The following IFT81 variants were observed in gnomAD, a reference collection of about 807,000 sequenced individuals.
IFT81 encodes intraflagellar transport protein 81 homolog.
A neutral mutation model predicts 102.6 loss-of-function variants in IFT81; 72 were observed. The observed-to-expected ratio is 0.70, with a 90% confidence interval of 0.58 to 0.85. The LOEUF (loss-of-function observed/expected upper bound fraction) is 0.85, where lower values mean the gene tolerates loss of function less well. Among genes scored for constraint, IFT81 ranks in the 40% least tolerant of loss-of-function variants. The pLI is 0.00. For synonymous variants in IFT81, 237 were observed against 242.7 expected (o/e 0.98, Z 0.22); for missense variants, 723 against 787.3 (o/e 0.92, Z 0.98).
At chr12:110,152,651 C>G (rs1895606817) in intron 10 of IFT81, among the ~76,000 whole-genome samples, 1 of 151,818 alleles carries the variant, frequency 6.6e-6, no homozygotes, top group Non-Finnish European at 1.5e-5. Context: ...CTCTATTGCC[C>G]AGGCTGGAGT....
In IFT81 at chr12:110,181,994, T is replaced by A. The variant is rs533789566; in HGVS notation, c.1338+1423T>A. Among the ~76,000 whole-genome samples the A allele has an allele frequency of 1.6e-4, 24 of 152,328 alleles. No homozygotes were observed. In the South Asian group the frequency reaches 3.1e-3, roughly 20 times the overall value. ...AAATTGCACTGGAGTTGATTCCATC[T>A]TGATGCAAGGGGGCTGGCCTTTTGT... On this transcript the variant is annotated intron_variant, in intron 12 of 18. Coordinates refer to ENST00000242591, the MANE Select transcript of IFT81 (RefSeq NM_014055.4).
intron 11 of IFT81, chr12:110,168,796 T>C (rs1430270424): frequency 6.6e-6 from 1 of 152,170 alleles, no homozygotes; most frequent in Non-Finnish European, 1.5e-5. Flanking sequence ...ATGGAAAAGA[T>C]GGTGTTCAGA....
In IFT81 at chr12:110,128,670, G is replaced by T. The variant is rs1378837154; in HGVS notation, c.249-280G>T. Among the ~76,000 whole-genome samples the T allele has an allele frequency of 2.6e-5, 4 of 151,172 alleles. No individual in the cohort carries two copies. The East Asian group carries it at 7.7e-4, about 29-fold the overall frequency. On this transcript the variant is annotated intron_variant, in intron 3 of 18. Coordinates refer to ENST00000242591, the MANE Select transcript of IFT81 (RefSeq NM_014055.4). ...AAATCAGCTGGGCATGGTGGTTGGT[G>T]CCTCTAGTCCCAGCTACTTGGGAGG... is the stretch of plus-strand genomic sequence containing the variant.
rs1042366244 is a variant in IFT81 at position 110,172,282 on chromosome 12, TTGCCTCTGCCTC to T, written c.1189-8121_1189-8110del. ...CTGTCTCCACTAAAAATAGAAAAAT[TTGCCTCTGCCTC>T]TGCCTCTGCCTCTGCCTCCTCTGCC... On this transcript the variant is annotated intron_variant, in intron 11 of 18. Transcript: ENST00000242591. 2.2e-4 allele frequency among the ~76,000 whole-genome samples: 33 copies of T among 151,780 alleles called. No individual in the cohort carries two copies. The South Asian group carries it at 2.5e-3, about 11-fold the overall frequency.
At position 110,206,003 on chromosome 12, in the gene IFT81, G is replaced by T. The variant is rs187167956; in HGVS notation, c.1802+323G>T. On this transcript the variant is annotated intron_variant, in intron 17 of 18. Transcript: ENST00000242591. ...CATCACCACTGTATATTTACAAAAT[G>T]TTTTCATCATCCCAAACAAAAACTC... Among the ~76,000 whole-genome samples the T allele has an allele frequency of 9.0e-3, 1,375 of 152,240 alleles. 4 individuals carry two copies. Among genetic ancestry groups the T allele is most frequent in the Non-Finnish European group, 9.4e-3 (642 of 68,012 alleles).
In IFT81 at chr12:110,133,211, A is replaced by G. The variant is rs1222451215; in HGVS notation, c.519+575A>G. Reference sequence around the variant, plus strand: ...GGTCTTGACCTCCTGGGCTCAAGCTATCCTCCCACCTTGGCCTCTCAAAGT... The same window carrying G: ...GGTCTTGACCTCCTGGGCTCAAGCTGTCCTCCCACCTTGGCCTCTCAAAGT... On this transcript the variant is annotated intron_variant, in intron 5 of 18. Transcript: ENST00000242591. Among the ~76,000 whole-genome samples, 3 of 152,064 alleles carry G rather than the reference A, an allele frequency of 2.0e-5. No individual in the cohort carries two copies. The East Asian group carries it at 5.8e-4, about 29-fold the overall frequency.
chr12:110,213,198 A>G (rs1423608220), intron 18 of IFT81, among the ~76,000 whole-genome samples: 1 of 152,062 alleles, frequency 6.6e-6, no homozygotes, highest in Non-Finnish European at 1.5e-5. Context: ...GAGTCCATAC[A>G]TTGTTATTAG....
chr12:110,164,380 C>T (rs1896322505), intron 11 of IFT81, among the ~76,000 whole-genome samples: 1 of 151,804 alleles, frequency 6.6e-6, no homozygotes, highest in South Asian at 2.1e-4. Flanking sequence ...TAGTTTAGTG[C>T]TTTTTTAGCA....
At chr12:110,128,193 A>G (rs756797970) in intron 3 of IFT81, 44 bp downstream of exon 3, 5 of 1,244,470 alleles carry the variant, frequency 4.0e-6, no homozygotes, top group East Asian at 2.3e-5. Flanking sequence ...TTATGCTTTA[A>G]TATCCAAACC....
chr12:110,146,702 CTCACGTCTGTAA>C (rs1203769644), intron 9 of IFT81, among the ~76,000 whole-genome samples: 1 of 152,028 alleles, frequency 6.6e-6, no homozygotes, highest in African/African-American at 2.4e-5. Flanking sequence ...GGTGCCATGG[CTCACGTCTGTAA>C]TCCCAGCACT....
chr12:110,174,315 G>A (rs571848870), intron 11 of IFT81, among the ~76,000 whole-genome samples: 29 of 149,192 alleles, frequency 1.9e-4, no homozygotes, highest in African/African-American at 6.9e-4. Flanking sequence ...AAATTAGCCG[G>A]GTGTGGTGGT....
At chr12:110,180,712 T>G (rs1399596857) in intron 12 of IFT81, 141 bp downstream of exon 12, 8 of 544,492 alleles carry the variant, frequency 1.5e-5, no homozygotes, top group Non-Finnish European at 1.8e-5. Flanking sequence ...ACATGACATA[T>G]AAGTTGATTC....
intron 10 of IFT81, among the ~76,000 whole-genome samples, chr12:110,159,979 T>G (rs576037806): frequency 3.3e-5 from 5 of 152,300 alleles, no homozygotes; most frequent in African/African-American, 4.8e-5. Flanking sequence ...TGTGATGTAA[T>G]TATTTTGGAA....
intron 12 of IFT81, 69 bp downstream of exon 12, chr12:110,180,640 C>T (rs1897284446): frequency 8.9e-7 from 1 of 1,122,520 alleles, no homozygotes; most frequent in Admixed American, 2.4e-5. Context: ...CAGCTTTATA[C>T]TGAAGTCATT....
chr12:110,160,233 G>A (rs1896065107), intron 10 of IFT81, among the ~76,000 whole-genome samples: 1 of 152,124 alleles, frequency 6.6e-6, no homozygotes, highest in South Asian at 2.1e-4. Context: ...ACAGTTACAA[G>A]GCAAAGTCTC....
At chr12:110,193,885 T>C (rs1179617237) in intron 14 of IFT81, among the ~76,000 whole-genome samples, 1 of 152,148 alleles carries the variant, frequency 6.6e-6, no homozygotes, top group East Asian at 1.9e-4. Flanking sequence ...ACTAAGTAAT[T>C]TCTAAAGAAA....
intron 10 of IFT81, among the ~76,000 whole-genome samples, chr12:110,157,822 G>A (rs1337717703): frequency 1.3e-5 from 2 of 152,044 alleles, no homozygotes; most frequent in Non-Finnish European, 2.9e-5. Context: ...AATACCTCTA[G>A]TGAATTTTTA....
Position 110,147,018 on chromosome 12 carries a change from T to G in IFT81, c.1011T>G (p.Ile337Met). The change falls in exon 10 of 19, where the codon ATT (isoleucine) becomes ATG (methionine). Residue 337 changes from isoleucine (I) to methionine (M), a missense_variant. Physicochemically the swap from Ile to Met is conservative, Grantham distance 10. Coordinates refer to ENST00000242591, the MANE Select transcript of IFT81 (RefSeq NM_014055.4). ...AGAAAATGATGAGAAATGAGCCCAT[T>G]GAAGGCAAACTCTCACTGTATAGGC... ...IEKKMMRNEP[I>M]EGKLSLYRQQ... 3.1e-6 allele frequency: 5 copies of G among 1,611,770 alleles called. No homozygotes were observed. The highest frequency in any genetic ancestry group is 4.2e-6 in the Non-Finnish European group (5 of 1,178,960).
intron 11 of IFT81, among the ~76,000 whole-genome samples, chr12:110,176,229 C>T (rs2137498231): frequency 6.6e-6 from 1 of 152,324 alleles, no homozygotes; most frequent in East Asian, 1.9e-4. Flanking sequence ...CTGGTCCACA[C>T]TTCTGATACA....
Sources: allele counts gnomAD v4.1 joint callset (sites outside exome capture counted in the v4.1 genomes callset), GRCh38; gene constraint gnomAD v4.1.1; transcripts MANE v1.5; gene names NCBI Gene and HGNC (gene_info 2026-07-23, HGNC 2026-07-21).